The following AHCY variants were observed in gnomAD, a reference collection of about 807,000 sequenced individuals.
AHCY encodes the protein adenosylhomocysteinase, also known as S-adenosyl-L-homocysteine hydrolase.
In AHCY, 24 loss-of-function variants were observed where a neutral mutation model predicts 45.4. That is an observed-to-expected ratio of 0.53 (90% CI 0.38 to 0.74). The LOEUF (loss-of-function observed/expected upper bound fraction) is 0.74, where lower values mean the gene tolerates loss of function less well. Among genes scored for constraint, AHCY ranks in the 30% least tolerant of loss-of-function variants. AHCY has a pLI of 0.00. For missense variants in AHCY, 449 were observed against 594.1 expected (o/e 0.76, Z 2.54); for synonymous variants, 245 against 235.1 (o/e 1.04, Z -0.39).
At chr20:34,269,287 G>A in the AHCY span, 2 of 1,224,746 alleles carry the variant, frequency 1.6e-6, no homozygotes, top group East Asian at 2.8e-5. Context: ...TCCAGGAGAT[G>A]GGACTTCAGG....
At chr20:34,269,595 G>T in the AHCY span, among the ~76,000 whole-genome samples, 12 of 151,832 alleles carry the variant, frequency 7.9e-5, no homozygotes. Flanking sequence ...CAGCCTTTCA[G>T]TCTCACACAT....
chr20:34,235,956 G>GGAGGAGGGAGGGAA, the AHCY span, among the ~76,000 whole-genome samples: 2 of 90,382 alleles, frequency 2.2e-5, 1 homozygote, highest in African/African-American at 3.9e-4. Context: ...AAGGAAGGAA[G>GGAGGAGGGAGGGAA]GAAGGAAGGA....
chr20:34,253,566 G>C, the AHCY span, among the ~76,000 whole-genome samples: 2 of 151,646 alleles, frequency 1.3e-5, no homozygotes, highest in Non-Finnish European at 2.9e-5. Flanking sequence ...TCCGCCTCCC[G>C]GTTCAAGCGA....
the AHCY span, among the ~76,000 whole-genome samples, chr20:34,251,275 CT>C: frequency 1.6e-3 from 236 of 146,456 alleles, no homozygotes; most frequent in East Asian, 3.2e-3. Context: ...CTCTGTGTAA[CT>C]TTTTTTTTTT....
chr20:34,303,283 C>A lies in AHCY; in HGVS notation c.-13G>T. The A allele has an allele frequency of 6.4e-7, 1 of 1,551,752 alleles. No homozygotes were observed. The highest frequency in any genetic ancestry group is 8.7e-7 in the Non-Finnish European group (1 of 1,146,996). On this transcript the variant is annotated 5_prime_UTR_variant, in exon 1 of 10. Transcript: ENST00000217426. The stretch of plus-strand genomic sequence containing the variant: ...GTTTGTCAGACATGCTGGCGGCACT[C>A]GTGATGGAAACGGGCGAAGGGGGCT...
chr20:34,241,499 G>A, the AHCY span: 1 of 985,450 alleles, frequency 1.0e-6, no homozygotes, highest in South Asian at 4.7e-5. Context: ...TGTGAGTTTA[G>A]ATGGCAACTT....
intron 9 of AHCY, among the ~76,000 whole-genome samples, chr20:34,282,531 T>A (rs2036037557): frequency 6.6e-6 from 1 of 152,216 alleles, no homozygotes; most frequent in South Asian, 2.1e-4. Context: ...AGATAACTGA[T>A]ACACTGGTTT....
At chr20:34,241,303 A>G in the AHCY span, among the ~76,000 whole-genome samples, 2 of 151,954 alleles carry the variant, frequency 1.3e-5, no homozygotes, top group Non-Finnish European at 1.5e-5. Context: ...AACATTTCCT[A>G]TTTTCACTGT....
chr20:34,270,623 G>T, the AHCY span, among the ~76,000 whole-genome samples: 1 of 152,212 alleles, frequency 6.6e-6, no homozygotes, highest in Admixed American at 6.5e-5. Flanking sequence ...CAACCACATG[G>T]AAGACCAACC....
the AHCY span, among the ~76,000 whole-genome samples, chr20:34,246,820 A>G: frequency 1.3e-5 from 2 of 152,012 alleles, no homozygotes; most frequent in African/African-American, 4.8e-5. Flanking sequence ...GATTAACTCC[A>G]ATTCCCACAA....
the AHCY span, among the ~76,000 whole-genome samples, chr20:34,254,358 C>T: frequency 4.0e-4 from 61 of 152,312 alleles, no homozygotes; most frequent in African/African-American, 1.4e-3. Context: ...CCACAGGGCC[C>T]GGCCTAGCAT....
At chr20:34,236,080 GAGAA>G in the AHCY span, among the ~76,000 whole-genome samples, 1 of 132,670 alleles carries the variant, frequency 7.5e-6, no homozygotes, top group Admixed American at 7.6e-5. Flanking sequence ...GAAAGAGAAA[GAGAA>G]GGAAGGAAGG....
the AHCY span, among the ~76,000 whole-genome samples, chr20:34,258,686 T>TATATATATATATATATATATATAC: frequency 1.4e-5 from 1 of 72,350 alleles, no homozygotes; most frequent in Admixed American, 1.9e-4. Context: ...TATATATATA[T>TATATATATATATATATATATATAC]ATATACATAC....
upstream of AHCY, chr20:34,303,470 A>ATTC: frequency 1.3e-6 from 1 of 760,034 alleles, no homozygotes; most frequent in Non-Finnish European, 2.2e-6. Context: ...GATCCCTGAA[A>ATTC]AGAAGCCTCA....
chr20:34,254,342 C>T, the AHCY span, among the ~76,000 whole-genome samples: 4 of 152,312 alleles, frequency 2.6e-5, no homozygotes, highest in South Asian at 2.1e-4. Context: ...GGATTATAGG[C>T]GTGAGCCACA....
chr20:34,306,079 CAAAAAAAAAAA>C (rs56039506), upstream of AHCY, among the ~76,000 whole-genome samples: 2 of 103,110 alleles, frequency 1.9e-5, no homozygotes, highest in African/African-American at 6.9e-5. Context: ...AAGACTGCCT[CAAAAAAAAAAA>C]AAAAAAAAGA....
downstream of AHCY, among the ~76,000 whole-genome samples, chr20:34,279,433 A>AG (rs1297122114): frequency 6.6e-6 from 1 of 151,720 alleles, no homozygotes; most frequent in Non-Finnish European, 1.5e-5. Context: ...AAAAAAAAAA[A>AG]AACAACAACT....
At chr20:34,271,755 G>A in the AHCY span, among the ~76,000 whole-genome samples, 1 of 151,846 alleles carries the variant, frequency 6.6e-6, no homozygotes, top group East Asian at 1.9e-4. Context: ...AGTAGAGACA[G>A]GGTTTCACCA....
At chr20:34,234,359 A>G in the AHCY span, among the ~76,000 whole-genome samples, 1 of 152,204 alleles carries the variant, frequency 6.6e-6, no homozygotes, top group Non-Finnish European at 1.5e-5. Flanking sequence ...TCCTAAGGGA[A>G]AGGTGATAGC....
Sources: allele counts gnomAD v4.1 joint callset (sites outside exome capture counted in the v4.1 genomes callset), GRCh38; gene constraint gnomAD v4.1.1; transcripts MANE v1.5; gene names NCBI Gene and HGNC (gene_info 2026-07-23, HGNC 2026-07-21).